The following CNTLN variants were observed in gnomAD, a reference collection of about 807,000 sequenced individuals.
CNTLN encodes the protein centlein.
A neutral mutation model predicts 180.0 loss-of-function variants in CNTLN; 212 were observed. The observed-to-expected ratio is 1.18, with a 90% CI of 1.05 to 1.32. The LOEUF (loss-of-function observed/expected upper bound fraction) is 1.32. Among genes scored for constraint, CNTLN ranks in the 40% most tolerant of loss-of-function variants. The pLI, the probability that CNTLN is intolerant of heterozygous loss-of-function variation, is 0.00. For synonymous variants in CNTLN, 722 were observed against 563.1 expected (o/e 1.28, Z -3.99); for missense variants, 2,095 against 1,610.9 (o/e 1.30, Z -5.14).
intron 2 of CNTLN, among the ~76,000 whole-genome samples, chr9:17,189,183 C>T (rs1169780225): frequency 7.3e-6 from 1 of 136,498 alleles, no homozygotes. Context: ...CCCGGGTTCA[C>T]GCCATTCTCC....
At chr9:17,322,194 A>T (rs1342313315) in intron 8 of CNTLN, among the ~76,000 whole-genome samples, 2 of 152,114 alleles carry the variant, frequency 1.3e-5, no homozygotes, top group Admixed American at 1.3e-4. Flanking sequence ...TTTGATATTT[A>T]ATCAATTTTC....
At chr9:17,366,745 C>T in intron 13 of CNTLN, 28 bp downstream of exon 13, 1 of 1,171,806 alleles carries the variant, frequency 8.5e-7, no homozygotes, top group Non-Finnish European at 1.2e-6. Context: ...AAATACTTAA[C>T]AGAGGAATTT....
intron 3 of CNTLN, among the ~76,000 whole-genome samples, chr9:17,234,099 C>A (rs537137145): frequency 6.6e-6 from 1 of 151,838 alleles, no homozygotes; most frequent in African/African-American, 2.4e-5. Context: ...ATGTATTCAG[C>A]GTCTAAATTA....
chr9:17,263,689 T>G (rs937948485), intron 5 of CNTLN, among the ~76,000 whole-genome samples: 3 of 141,736 alleles, frequency 2.1e-5, no homozygotes, highest in African/African-American at 8.4e-5. Flanking sequence ...TTTCTGCACA[T>G]CCTCTCCAGC....
intron 5 of CNTLN, among the ~76,000 whole-genome samples, chr9:17,250,914 A>C (rs1826098970): frequency 6.6e-6 from 1 of 151,962 alleles, no homozygotes; most frequent in Non-Finnish European, 1.5e-5. Context: ...GAAGGATTCC[A>C]TTTTGCATTT....
chr9:17,378,881 ATATTTCC>A (rs1824996392), intron 13 of CNTLN, among the ~76,000 whole-genome samples: 1 of 152,136 alleles, frequency 6.6e-6, no homozygotes, highest in Non-Finnish European at 1.5e-5. Context: ...CTGTAGATCC[ATATTTCC>A]ATCTGGTGTT....
rs563438792 is a variant in CNTLN, at chr9:17,140,972, T to A, written c.361-2316T>A. Among the ~76,000 whole-genome samples, 241 of 152,324 alleles carry A rather than the reference T, an allele frequency of 1.6e-3. 2 individuals are homozygous for A. The highest frequency in any genetic ancestry group is 5.6e-3 in the African/African-American group (234 of 41,580). On this transcript the variant is annotated intron_variant, in intron 1 of 25. Transcript: ENST00000380647. ...TTGAAAAGATGGATACATTTGAGTATGTAAAATTAATAACTTGCTTTTTCA... is the reference window on the plus strand; with the variant it reads ...TTGAAAAGATGGATACATTTGAGTAAGTAAAATTAATAACTTGCTTTTTCA...
At chr9:17,312,885 TTTAGTTTTTCTATCAA>T (rs1361380884) in intron 8 of CNTLN, among the ~76,000 whole-genome samples, 1 of 152,166 alleles carries the variant, frequency 6.6e-6, no homozygotes, top group Non-Finnish European at 1.5e-5. Flanking sequence ...AATGATTGTG[TTTAGTTTTTCTATCAA>T]TTGCTTTAGA....
the CNTLN span, among the ~76,000 whole-genome samples, chr9:17,510,484 T>C: frequency 7.2e-3 from 1,089 of 152,288 alleles, 6 homozygotes; most frequent in East Asian, 0.012. Flanking sequence ...TCTGTGAGCA[T>C]GTTTTTGGAT....
At chr9:17,416,612 A>C (rs756477016) in intron 18 of CNTLN, among the ~76,000 whole-genome samples, 7 of 152,142 alleles carry the variant, frequency 4.6e-5, no homozygotes, top group Non-Finnish European at 1.0e-4. Context: ...CTCTTTGCAA[A>C]TGCTAGTATA....
intron 13 of CNTLN, among the ~76,000 whole-genome samples, chr9:17,371,053 T>G (rs1480450950): frequency 1.3e-5 from 2 of 151,716 alleles, no homozygotes; most frequent in Non-Finnish European, 2.9e-5. Flanking sequence ...CAAGAAAGAA[T>G]GAAGGAAGGA....
chr9:17,406,922 A>C (rs1564078410), intron 15 of CNTLN, among the ~76,000 whole-genome samples: 1 of 151,676 alleles, frequency 6.6e-6, no homozygotes, highest in Non-Finnish European at 1.5e-5. Context: ...AGAGTGTCTT[A>C]TTGTGAAATA....
chr9:17,186,700 C>T (rs959392041), intron 2 of CNTLN, among the ~76,000 whole-genome samples: 1 of 152,098 alleles, frequency 6.6e-6, no homozygotes, highest in Non-Finnish European at 1.5e-5. Flanking sequence ...TTATAAGGCA[C>T]ACTAAGCAAA....
chr9:17,318,212 G>A (rs1302336642), intron 8 of CNTLN, among the ~76,000 whole-genome samples: 1 of 151,754 alleles, frequency 6.6e-6, no homozygotes, highest in African/African-American at 2.4e-5. Context: ...TGTATTTTTA[G>A]TAGAGATGGG....
intron 2 of CNTLN, among the ~76,000 whole-genome samples, chr9:17,200,033 G>A (rs913386146): frequency 2.6e-5 from 4 of 152,008 alleles, no homozygotes; most frequent in African/African-American, 9.7e-5. Context: ...AAGGAATGGG[G>A]CCAGTTTCTG....
chr9:17,491,547 A>C (rs1833163514), intron 25 of CNTLN, among the ~76,000 whole-genome samples: 1 of 151,982 alleles, frequency 6.6e-6, no homozygotes, highest in Non-Finnish European at 1.5e-5. Flanking sequence ...TGTGTTCTTG[A>C]TTTATGGTGT....
At chr9:17,274,077 C>G (rs536738482) in intron 6 of CNTLN, among the ~76,000 whole-genome samples, 2 of 152,028 alleles carry the variant, frequency 1.3e-5, no homozygotes, top group African/African-American at 4.8e-5. Context: ...CGAGCATGGT[C>G]AAGGGGTACC....
intron 25 of CNTLN, among the ~76,000 whole-genome samples, chr9:17,494,544 C>A (rs942491654): frequency 1.4e-4 from 21 of 151,952 alleles, no homozygotes; most frequent in Non-Finnish European, 2.9e-4. Flanking sequence ...TCAAATAGGC[C>A]CCAGGGTCTG....
intron 13 of CNTLN, among the ~76,000 whole-genome samples, chr9:17,381,040 C>T (rs565609183): frequency 6.6e-6 from 1 of 152,328 alleles, no homozygotes; most frequent in South Asian, 2.1e-4. Context: ...TTAAATACAG[C>T]CAACAACAAT....
Sources: gnomAD v4.1 joint callset for allele counts (sites outside exome capture counted in the v4.1 genomes callset) on GRCh38, gnomAD v4.1.1 for gene constraint, MANE v1.5 for transcripts, NCBI Gene and HGNC (gene_info 2026-07-23, HGNC 2026-07-21) for gene names.